AARS1: variants seen among roughly 807,000 people sequenced by gnomAD.
AARS1 encodes alanyl-tRNA synthetase 1, also known as alanine--tRNA ligase, cytoplasmic.
A neutral mutation model predicts 108.9 loss-of-function variants in AARS1; 72 were observed. That is an observed-to-expected ratio of 0.66 (90% CI 0.55 to 0.80). The LOEUF (loss-of-function observed/expected upper bound fraction) is 0.80, where lower values mean the gene tolerates loss of function less well. Among genes scored for constraint, AARS1 ranks in the 30% least tolerant of loss-of-function variants. AARS1 has a pLI of 0.00. For synonymous variants in AARS1, 489 were observed against 465.7 expected (o/e 1.05, Z -0.64); for missense variants, 1,193 against 1,233.2 (o/e 0.97, Z 0.49).
intron 12 of AARS1, chr16:70,261,364 G>C (rs961231856): frequency 1.4e-5 from 6 of 427,382 alleles, no homozygotes; most frequent in African/African-American, 1.2e-4. Context: ...GGGAGGCTCA[G>C]GTGAGTAGAT....
chr16:70,282,820 G>C, intron 1 of AARS1, 36 bp from the exon 2 acceptor site: 2 of 1,598,184 alleles, frequency 1.3e-6, no homozygotes, highest in Middle Eastern at 1.7e-4. Context: ...AAAATTAAGG[G>C]AATTGAAAGT....
At chr16:70,278,830 G>A (rs778383336) in intron 2 of AARS1, among the ~76,000 whole-genome samples, 15 of 151,970 alleles carry the variant, frequency 9.9e-5, no homozygotes, top group Non-Finnish European at 2.1e-4. Context: ...GGTATTTGCT[G>A]ATCAAGAGGC....
At chr16:70,278,421 C>A (rs1296499465) in intron 2 of AARS1, among the ~76,000 whole-genome samples, 1 of 151,724 alleles carries the variant, frequency 6.6e-6, no homozygotes, top group East Asian at 1.9e-4. Flanking sequence ...CAAAATTAGC[C>A]AGCCATGGTG....
At chr16:70,256,792 C>A (rs55657328) in intron 15 of AARS1, among the ~76,000 whole-genome samples, 10,716 of 152,024 alleles carry the variant, frequency 0.07, 1,265 homozygotes, top group African/African-American at 0.24. Flanking sequence ...CTGCAGGAGA[C>A]CCTGGAGGGT....
chr16:70,254,666 A>C lies in AARS1; in HGVS notation c.2355T>G (p.Thr785=). ...SVMEAKVKAQ[T]APNKDVQREI... ...CCCTCTGCACATCCTTGTTTGGAGC[A>C]GTCTGAGCCTTCACTTTGGCTTCCA... The change falls in exon 17 of 21, where the codon ACT becomes ACG. Residue 785 remains threonine, a synonymous_variant. Transcript: ENST00000261772. 1 of 1,614,140 alleles carries C rather than the reference A, an allele frequency of 6.2e-7. No individual in the cohort carries two copies. The highest frequency in any genetic ancestry group is 1.6e-4 in the Middle Eastern group (1 of 6,062).
At chr16:70,265,426 G>T in intron 10 of AARS1, 112 bp downstream of exon 10, 1 of 1,520,140 alleles carries the variant, frequency 6.6e-7, no homozygotes. Flanking sequence ...ACTGATCTAG[G>T]GGAAAAAGCA....
intron 5 of AARS1, among the ~76,000 whole-genome samples, 163 bp downstream of exon 5, chr16:70,271,618 G>A (rs1192051340): frequency 6.6e-6 from 1 of 152,178 alleles, no homozygotes; most frequent in Non-Finnish European, 1.5e-5. Flanking sequence ...GTGCGATAAG[G>A]TTTAGTTCAT....
rs4081753 is a variant in AARS1 at position 70,253,274 on chromosome 16, A to G, written c.2715T>C (p.Val905=). 0.81 allele frequency: 1,299,990 copies of G among 1,611,736 alleles called. 526,380 individuals carry two copies. The highest frequency in any genetic ancestry group is 0.97 in the African/African-American group (72,469 of 75,006). Reference sequence around the variant, plus strand: ...GGTGCGAGGTGGTGCTGACCTGGGGAACTTGACACAGGCACGTGATCTTGC... The same window carrying G: ...GGTGCGAGGTGGTGCTGACCTGGGGGACTTGACACAGGCACGTGATCTTGC... ...EAGKITCLCQ[V]PQNAANRGLK... The change falls in exon 20 of 21, where the codon GTT becomes GTC. Residue 905 remains valine, a synonymous_variant. Coordinates refer to ENST00000261772, the MANE Select transcript of AARS1 (RefSeq NM_001605.3).
chr16:70,265,641 T>G lies in AARS1; in HGVS notation c.1244A>C (p.Tyr415Ser). Residue 415 changes from tyrosine (Y) to serine (S), a missense_variant, in exon 10 of 21, where the codon TAT (tyrosine) becomes TCT (serine). Transcript: ENST00000261772. ...ATCCACTGGAAACCCATAGGTGTCA[T>G]AGAGGAGCCAAGCAGTGTCTCCTAC... ...TIPGDTAWLL[Y>S]DTYGFPVDLT... 2 of 1,613,870 alleles carry G rather than the reference T, an allele frequency of 1.2e-6. No individual in the cohort carries two copies. The highest frequency in any genetic ancestry group is 8.5e-7 in the Non-Finnish European group (1 of 1,179,870).
chr16:70,264,818 A>G, intron 11 of AARS1, 140 bp downstream of exon 11: 1 of 1,018,710 alleles, frequency 9.8e-7, no homozygotes, highest in Non-Finnish European at 1.5e-6. Flanking sequence ...ATGTGTATAA[A>G]AGTGCATAGC....
intron 1 of AARS1, among the ~76,000 whole-genome samples, chr16:70,286,865 C>T (rs537532637): frequency 1.6e-3 from 237 of 151,798 alleles, no homozygotes; most frequent in African/African-American, 5.5e-3. Context: ...CCTGTAATCC[C>T]AGCACTTTGG....
At chr16:70,265,889 C>T (rs1280039841) in intron 9 of AARS1, among the ~76,000 whole-genome samples, 2 of 152,218 alleles carry the variant, frequency 1.3e-5, no homozygotes, top group East Asian at 3.9e-4. Context: ...TTTTTTAAAC[C>T]TCACCTGGGC....
rs767096851 is a variant in AARS1 at position 70,265,102 on chromosome 16, G to C, written c.1348C>G (p.Leu450Val). The C allele has an allele frequency of 5.6e-6, 9 of 1,614,090 alleles. No individual in the cohort carries two copies. The highest frequency in any genetic ancestry group is 7.6e-6 in the Non-Finnish European group (9 of 1,180,034). Reference protein sequence around the residue: ...GFEEERKLAQLKSQGKGAGGE... With the variant: ...GFEEERKLAQVKSQGKGAGGE... ...CCAGCTCCCTTGCCCTGTGATTTCA[G>C]CTGTCAGCAAGAGAAACAAGCATAA... Residue 450 changes from leucine (L) to valine (V), a missense_variant and splice_region_variant, in exon 11 of 21, where the codon CTG becomes GTG. Transcript: ENST00000261772.
chr16:70,283,495 G>T (rs538820417), intron 1 of AARS1, among the ~76,000 whole-genome samples: 7 of 152,056 alleles, frequency 4.6e-5, no homozygotes, highest in Non-Finnish European at 7.4e-5. Flanking sequence ...TCAGGAGACC[G>T]GGGTTTGAGT....
intron 17 of AARS1, 125 bp from the exon 18 acceptor site, chr16:70,254,163 T>G: frequency 7.7e-7 from 1 of 1,295,564 alleles, no homozygotes; most frequent in Non-Finnish European, 1.1e-6. Flanking sequence ...AAGGAAAGCT[T>G]TGAGACCAGT....
intron 6 of AARS1, 52 bp downstream of exon 6, chr16:70,270,144 A>G: frequency 1.2e-6 from 2 of 1,607,982 alleles, no homozygotes; most frequent in Non-Finnish European, 1.7e-6. Flanking sequence ...TGTTAAGAGT[A>G]CAGCCTGGAA....
intron 4 of AARS1, among the ~76,000 whole-genome samples, chr16:70,272,640 G>C (rs758980332): frequency 3.3e-5 from 5 of 150,590 alleles, no homozygotes; most frequent in African/African-American, 1.2e-4. Context: ...AATACACAAG[G>C]ACATGAGTAA....
intron 4 of AARS1, among the ~76,000 whole-genome samples, chr16:70,274,933 GT>G (rs1365531429): frequency 6.8e-6 from 1 of 147,388 alleles, no homozygotes; most frequent in Non-Finnish European, 1.5e-5. Context: ...ACTATATAAA[GT>G]AAAAAAAAAA....
intron 5 of AARS1, among the ~76,000 whole-genome samples, chr16:70,271,310 C>T (rs1220710783): frequency 3.3e-5 from 5 of 152,050 alleles, no homozygotes; most frequent in Non-Finnish European, 7.4e-5. Context: ...GGGCGGATCA[C>T]CTGAGGTTGG....
Sources: allele counts gnomAD v4.1 joint callset (sites outside exome capture counted in the v4.1 genomes callset), GRCh38; gene constraint gnomAD v4.1.1; transcripts MANE v1.5; gene names NCBI Gene and HGNC (gene_info 2026-07-23, HGNC 2026-07-21).